BBLN: variants seen among roughly 807,000 people sequenced by gnomAD.
BBLN encodes the protein bublin coiled coil protein, also known as bublin coiled-coil protein.
In BBLN, 6 loss-of-function variants were observed where a neutral mutation model predicts 7.6. That is an observed-to-expected ratio of 0.79 (90% confidence interval 0.43 to 1.55). The LOEUF (loss-of-function observed/expected upper bound fraction) is 1.55. Among genes scored for constraint, BBLN ranks in the 40% most tolerant of loss-of-function variants. BBLN has a pLI of 0.01. For synonymous variants in BBLN, 35 were observed against 46.7 expected (o/e 0.75, Z 1.02); for missense variants, 100 against 111.1 (o/e 0.90, Z 0.45).
In BBLN at chr9:128,160,498, G is replaced by A; in HGVS notation, c.79+12G>A. 7.8e-7 allele frequency: 1 copy of A among 1,282,296 alleles called. No individual in the cohort carries two copies. Among genetic ancestry groups the A allele is most frequent in the Non-Finnish European group, 9.9e-7 (1 of 1,005,198 alleles). 79.4% of individuals were successfully genotyped at this position (1,282,296 alleles called of 1,614,324 possible). On this transcript the variant is annotated intron_variant, in intron 1 of 1. Coordinates refer to ENST00000372994, the MANE Select transcript of BBLN (RefSeq NM_024112.4). ...CTTCGGGGAAGCAGGTGACCCGAGG[G>A]GGCTGCTGGAGCAACCTTGCATTTT...
rs1039894384 is a variant in BBLN, at chr9:128,163,404, G to A, written c.80-39G>A. ...GGAGGGTGTCCATTAGCCCCAAGGA[G>A]ACACAGGATCTGGGCTCTGTCTTTC... On this transcript the variant is annotated intron_variant, in intron 1 of 1. Transcript: ENST00000372994. The surrounding 1 kb of genome is among the most constrained non-coding windows in gnomAD (Gnocchi z 5.7). The A allele has an allele frequency of 1.3e-6, 2 of 1,485,164 alleles. No individual in the cohort carries two copies. Among genetic ancestry groups the A allele is most frequent in the South Asian group, 1.4e-5 (1 of 72,554 alleles). 92.0% of individuals were successfully genotyped at this position (1,485,164 alleles called of 1,614,324 possible). A position where few individuals can be genotyped will look rare whatever the true frequency, so the allele number is the denominator to read the frequency against.
chr9:128,161,504 A>G (rs1829253668), intron 1 of BBLN, among the ~76,000 whole-genome samples: 1 of 152,198 alleles, frequency 6.6e-6, no homozygotes, highest in African/African-American at 2.4e-5. Context: ...CTTGACACAG[A>G]TAAAGCCTGG....
At chr9:128,160,877 C>T (rs1300958146) in intron 1 of BBLN, among the ~76,000 whole-genome samples, 3 of 152,174 alleles carry the variant, frequency 2.0e-5, no homozygotes, top group Admixed American at 2.0e-4. Flanking sequence ...ATTCAGCATC[C>T]CCAGCCACCC....
Position 128,163,681 on chromosome 9 carries a change from A to C in BBLN, c.*66A>C. 2 of 1,302,062 alleles carry C rather than the reference A, an allele frequency of 1.5e-6. No homozygotes were observed. Among genetic ancestry groups the C allele is most frequent in the East Asian group, 2.9e-5 (1 of 34,946 alleles). 80.7% of individuals were successfully genotyped at this position (1,302,062 alleles called of 1,614,324 possible). On this transcript the variant is annotated 3_prime_UTR_variant, in exon 2 of 2. Transcript: ENST00000372994. This position sits in a 1 kb window ranked among gnomAD's most constrained non-coding sequence, Gnocchi z 5.7. The stretch of plus-strand genomic sequence containing the variant: ...GGGCTAGGCTCTGGCCTGGGCACTC[A>C]CCCCCTGGCTTAGACACCTTCTCAA...
chr9:128,163,654 C>T lies in BBLN; in HGVS notation c.*39C>T, dbSNP rs1829278253. On this transcript the variant is annotated 3_prime_UTR_variant, in exon 2 of 2. Transcript: ENST00000372994. This position sits in a 1 kb window ranked among gnomAD's most constrained non-coding sequence, Gnocchi z 5.7. ...CCAACCGGGACCCAACCCTGCCTCC[C>T]TGGGCTAGGCTCTGGCCTGGGCACT... 1.4e-6 allele frequency: 2 copies of T among 1,434,184 alleles called. No homozygotes were observed. The highest frequency in any genetic ancestry group is 1.8e-6 in the Non-Finnish European group (2 of 1,084,614). The allele number at this position is 1,434,184 out of a possible 1,614,324, so 88.8% of individuals were successfully genotyped here.
chr9:128,163,459 C>A lies in BBLN; in HGVS notation c.96C>A (p.Asn32Lys). The A allele has an allele frequency of 6.3e-7, 1 of 1,576,884 alleles. No individual in the cohort carries two copies. Reference sequence around the variant, plus strand: ...TCCTCCCAGAATACGCTGCCATCAACTCCATGCTGGACCAGATCAACTCCT... The same window carrying A: ...TCCTCCCAGAATACGCTGCCATCAAATCCATGCTGGACCAGATCAACTCCT... The part of the protein sequence containing the change: ...GFGEAEYAAI[N>K]SMLDQINSCL... Residue 32 changes from asparagine to lysine, a missense_variant, in exon 2 of 2, where the codon AAC (asparagine) becomes AAA (lysine). Asn to Lys is a moderately conservative substitution (Grantham distance 94). Coordinates refer to ENST00000372994, the MANE Select transcript of BBLN (RefSeq NM_024112.4). The surrounding 1 kb of genome is among the most constrained non-coding windows in gnomAD (Gnocchi z 5.7).
rs1829273030 is a variant in BBLN, at chr9:128,163,270, C to T, written c.80-173C>T. Among the ~76,000 whole-genome samples, 1 of 152,192 alleles carries T rather than the reference C, an allele frequency of 6.6e-6. No homozygotes were observed. Among genetic ancestry groups the T allele is most frequent in the Admixed American group, 6.5e-5 (1 of 15,282 alleles). On this transcript the variant is annotated intron_variant, in intron 1 of 1. Coordinates refer to ENST00000372994, the MANE Select transcript of BBLN (RefSeq NM_024112.4). The surrounding 1 kb of genome is among the most constrained non-coding windows in gnomAD (Gnocchi z 5.7). Reference sequence around the variant, plus strand: ...TACTAAAGTGTCATTCATTCAAAGCCACTCCTCTTTTGGTATTCCACCCAT... The same window carrying T: ...TACTAAAGTGTCATTCATTCAAAGCTACTCCTCTTTTGGTATTCCACCCAT...
At chr9:128,162,485 C>G (rs1167585686) in intron 1 of BBLN, 1 of 152,526 alleles carries the variant, frequency 6.6e-6, no homozygotes, top group Non-Finnish European at 1.5e-5. Context: ...TAGTGGAGAC[C>G]AGGGAAGGCT....
At position 128,163,429 on chromosome 9, in the gene BBLN, C is replaced by T. The variant is rs763575935; in HGVS notation, c.80-14C>T. The T allele has an allele frequency of 6.5e-6, 10 of 1,529,536 alleles. No individual in the cohort carries two copies. Among genetic ancestry groups the T allele is most frequent in the South Asian group, 5.0e-5 (4 of 79,624 alleles). The allele number at this position is 1,529,536 out of a possible 1,614,324, so 94.7% of individuals were successfully genotyped here. A position where few individuals can be genotyped will look rare whatever the true frequency, so the allele number is the denominator to read the frequency against. ...GACACAGGATCTGGGCTCTGTCTTTCGCCTTCCTCCCAGAATACGCTGCCA... is the reference window on the plus strand; with the variant it reads ...GACACAGGATCTGGGCTCTGTCTTTTGCCTTCCTCCCAGAATACGCTGCCA... On this transcript the variant is annotated splice_polypyrimidine_tract_variant and intron_variant, in intron 1 of 1. Coordinates refer to ENST00000372994, the MANE Select transcript of BBLN (RefSeq NM_024112.4). The surrounding 1 kb of genome is among the most constrained non-coding windows in gnomAD (Gnocchi z 5.7).
intron 1 of BBLN, among the ~76,000 whole-genome samples, chr9:128,161,214 G>A (rs1829251336): frequency 1.3e-5 from 2 of 152,138 alleles, no homozygotes; most frequent in South Asian, 2.1e-4. Context: ...TAAATGTGGT[G>A]TAAGTATGGT....
Position 128,160,909 on chromosome 9 carries a change from C to A in BBLN, c.79+423C>A, listed in dbSNP as rs77382472. 9.3e-3 allele frequency among the ~76,000 whole-genome samples: 1,414 copies of A among 152,322 alleles called. 16 individuals carry two copies. The highest frequency in any genetic ancestry group is 0.031 in the African/African-American group (1,295 of 41,566). On this transcript the variant is annotated intron_variant, in intron 1 of 1. Transcript: ENST00000372994. ...ACCCGGCTTTGCTGGTGTAGCCTCA[C>A]AGCCTTGCCAAATGTCAGCAGCTTA...
At chr9:128,162,401 G>A (rs114313640) in intron 1 of BBLN, 2,599 of 152,520 alleles carry the variant, frequency 0.017, 68 homozygotes, top group African/African-American at 0.059. Flanking sequence ...CCCAGACCTT[G>A]AGTCCTCAGG....
chr9:128,160,684 C>G (rs1829245293), intron 1 of BBLN, among the ~76,000 whole-genome samples, 198 bp downstream of exon 1: 1 of 152,258 alleles, frequency 6.6e-6, no homozygotes, highest in South Asian at 2.1e-4. Flanking sequence ...CTGCAGGTCA[C>G]CAGTCCCGTT....
chr9:128,161,037 T>C (rs1445220715), intron 1 of BBLN, among the ~76,000 whole-genome samples: 5 of 142,678 alleles, frequency 3.5e-5, no homozygotes, highest in African/African-American at 7.9e-5. Flanking sequence ...CTCTATAAAA[T>C]AGGAATAACG....
chr9:128,163,456 C>T lies in BBLN; in HGVS notation c.93C>T (p.Ile31=). The T allele has an allele frequency of 6.4e-7, 1 of 1,566,676 alleles. No homozygotes were observed. Among genetic ancestry groups the T allele is most frequent in the Non-Finnish European group, 8.7e-7 (1 of 1,152,830 alleles). ...CCTTCCTCCCAGAATACGCTGCCAT[C>T]AACTCCATGCTGGACCAGATCAACT... ...DGFGEAEYAA[I]NSMLDQINSC... The change falls in exon 2 of 2, where the codon ATC becomes ATT. Residue 31 remains isoleucine (I), a synonymous_variant. Transcript: ENST00000372994. The surrounding 1 kb of genome is among the most constrained non-coding windows in gnomAD (Gnocchi z 5.7).
rs908353509 is a variant in BBLN at position 128,160,302 on chromosome 9, G to C, written c.-106G>C. The C allele has an allele frequency of 8.7e-6, 5 of 572,746 alleles. No homozygotes were observed. The highest frequency in any genetic ancestry group is 7.7e-5 in the African/African-American group (4 of 51,616). The allele number at this position is 572,746 out of a possible 1,614,324, so 35.5% of individuals were successfully genotyped here. A position where few individuals can be genotyped will look rare whatever the true frequency, so the allele number is the denominator to read the frequency against. ...ATCTGCTGCCGCGTTCTACCCTTCC[G>C]GCCCGTGTTCTATCCGCCGCCTCCA... On this transcript the variant is annotated 5_prime_UTR_variant, in exon 1 of 2. Transcript: ENST00000372994.
At chr9:128,161,106 T>C (rs1332106711) in intron 1 of BBLN, among the ~76,000 whole-genome samples, 1 of 57,274 alleles carries the variant, frequency 1.7e-5, no homozygotes, top group African/African-American at 5.2e-5. Context: ...GGAAAATCCT[T>C]AGCAGGTTCT....
intron 1 of BBLN, 124 bp downstream of exon 1, chr9:128,160,610 A>G: frequency 2.7e-6 from 2 of 728,058 alleles, no homozygotes; most frequent in South Asian, 2.1e-5. Flanking sequence ...GCGGGTCCGG[A>G]GTTGTAGGTG....
At chr9:128,162,960 A>G (rs1829270047) in intron 1 of BBLN, 1 of 155,700 alleles carries the variant, frequency 6.4e-6, no homozygotes, top group Non-Finnish European at 1.4e-5. Flanking sequence ...GAGGTAGGTA[A>G]AGGCAGGTGT....
Sources: gnomAD v4.1 joint callset for allele counts (sites outside exome capture counted in the v4.1 genomes callset) on GRCh38, gnomAD v4.1.1 for gene constraint, Gnocchi (gnomAD v3.1) non-coding constraint, MANE v1.5 for transcripts, NCBI Gene and HGNC (gene_info 2026-07-23, HGNC 2026-07-21) for gene names.